ADAMTS17: variants seen among roughly 807,000 people sequenced by gnomAD.
ADAMTS17 encodes A disintegrin and metalloproteinase with thrombospondin motifs 17.
In ADAMTS17, 113 loss-of-function variants were observed where a neutral mutation model predicts 141.5. That is an observed-to-expected ratio of 0.80 (90% confidence interval 0.69 to 0.93). ADAMTS17 has a LOEUF of 0.93. Among genes scored for constraint, ADAMTS17 ranks in the 40% least tolerant of loss-of-function variants. The probability of loss-of-function intolerance (pLI) is 0.00; values close to 1 mark genes in which losing one functional copy is unlikely to be tolerated. For synonymous variants in ADAMTS17, 768 were observed against 630.6 expected, an observed-to-expected ratio of 1.22 and a Z score of -3.27; for missense variants, 1,659 against 1,517.9, an observed-to-expected ratio of 1.09 and a Z score of -1.54.
At chr15:100,304,097 G>C (rs1308860844) in intron 3 of ADAMTS17, among the ~76,000 whole-genome samples, 2 of 152,302 alleles carry the variant, frequency 1.3e-5, no homozygotes, top group South Asian at 4.1e-4. Flanking sequence ...ATCAACTGCA[G>C]TGATGTCTTC....
At chr15:100,271,017 C>T (rs2043890080) in intron 4 of ADAMTS17, among the ~76,000 whole-genome samples, 1 of 151,900 alleles carries the variant, frequency 6.6e-6, no homozygotes, top group South Asian at 2.1e-4. Context: ...TGGTGACTGG[C>T]TCATTTCACG....
At chr15:100,277,477 C>A (rs2044138788) in intron 4 of ADAMTS17, among the ~76,000 whole-genome samples, 1 of 152,164 alleles carries the variant, frequency 6.6e-6, no homozygotes, top group Non-Finnish European at 1.5e-5. Flanking sequence ...CTTATTACTA[C>A]CTTAGCTGTT....
At position 100,207,469 on chromosome 15, in the gene ADAMTS17, C is replaced by A. The variant is rs1049585310; in HGVS notation, c.1076-8046G>T. On this transcript the variant is annotated intron_variant, in intron 7 of 21. Transcript: ENST00000268070. Reference sequence around the variant, plus strand: ...CCCTTGCTCAAACATGGCTAACCCACGAGCATGGCGGCCACCGGAACTCAC... The same window carrying A: ...CCCTTGCTCAAACATGGCTAACCCAAGAGCATGGCGGCCACCGGAACTCAC... Among the ~76,000 whole-genome samples the A allele has an allele frequency of 2.0e-5, 3 of 152,088 alleles. No homozygotes were observed. In the East Asian group the frequency reaches 5.8e-4, roughly 29 times the overall value.
At chr15:100,053,335 G>A (rs1258675894) in intron 16 of ADAMTS17, among the ~76,000 whole-genome samples, 2 of 152,100 alleles carry the variant, frequency 1.3e-5, no homozygotes, top group African/African-American at 2.4e-5. Context: ...CCCTGGCCTG[G>A]CCCAATGGCT....
At chr15:100,112,130 G>C (rs1020147085) in intron 13 of ADAMTS17, among the ~76,000 whole-genome samples, 1 of 152,224 alleles carries the variant, frequency 6.6e-6, no homozygotes, top group Non-Finnish European at 1.5e-5. Context: ...ACTTCAAAGG[G>C]ATGAAGGCTG....
At chr15:100,330,839 T>A in intron 3 of ADAMTS17, 50 bp downstream of exon 3, 1 of 1,604,934 alleles carries the variant, frequency 6.2e-7, no homozygotes, top group South Asian at 1.1e-5. Context: ...ACACAAAGGA[T>A]GTGGGCTGTG....
intron 18 of ADAMTS17, among the ~76,000 whole-genome samples, chr15:100,030,901 C>T (rs188451351): frequency 1.0e-3 from 154 of 152,210 alleles, no homozygotes; most frequent in Admixed American, 1.4e-3. Flanking sequence ...GAGTGTCTTA[C>T]GAAATAATGG....
chr15:100,318,428 T>A (rs562045412), intron 3 of ADAMTS17, among the ~76,000 whole-genome samples: 1 of 152,046 alleles, frequency 6.6e-6, no homozygotes, highest in East Asian at 1.9e-4. Context: ...TCATGAATGG[T>A]ATTAGTGCCC....
intron 3 of ADAMTS17, among the ~76,000 whole-genome samples, chr15:100,291,122 T>C (rs543545969): frequency 2.2e-4 from 33 of 152,188 alleles, no homozygotes; most frequent in Non-Finnish European, 4.1e-4. Context: ...AGATCTAATA[T>C]ACAGAATCTA....
intron 3 of ADAMTS17, among the ~76,000 whole-genome samples, chr15:100,324,093 T>A (rs2045823567): frequency 6.7e-6 from 1 of 149,518 alleles, no homozygotes; most frequent in Non-Finnish European, 1.5e-5. Flanking sequence ...TCACCTGAGG[T>A]CAGGAGTTCA....
chr15:100,254,213 C>A, intron 6 of ADAMTS17, 34 bp from the exon 7 acceptor site: 1 of 1,588,806 alleles, frequency 6.3e-7, no homozygotes, highest in East Asian at 2.2e-5. Context: ...CAGGTATATG[C>A]AGTATCCCCA....
chr15:100,018,415 G>A (rs529194127), intron 18 of ADAMTS17, among the ~76,000 whole-genome samples: 156 of 152,326 alleles, frequency 1.0e-3, no homozygotes, highest in South Asian at 2.3e-3. Context: ...GTAATTCCTC[G>A]TGTTGGAGGA....
At chr15:100,069,752 A>G (rs1359428847) in intron 15 of ADAMTS17, among the ~76,000 whole-genome samples, 1 of 150,810 alleles carries the variant, frequency 6.6e-6, no homozygotes, top group Non-Finnish European at 1.5e-5. Flanking sequence ...AGCACTAAAC[A>G]TGGAAAGGAA....
At chr15:100,025,096 G>C (rs536788749) in intron 18 of ADAMTS17, among the ~76,000 whole-genome samples, 19 of 152,216 alleles carry the variant, frequency 1.2e-4, no homozygotes, top group African/African-American at 4.3e-4. Context: ...ATTTCTCTCT[G>C]TATCTCCTGT....
At chr15:100,304,681 C>A (rs2045161351) in intron 3 of ADAMTS17, among the ~76,000 whole-genome samples, 1 of 152,218 alleles carries the variant, frequency 6.6e-6, no homozygotes, top group Non-Finnish European at 1.5e-5. Flanking sequence ...ATCGCTAATT[C>A]AAATGTACAA....
intron 2 of ADAMTS17, among the ~76,000 whole-genome samples, chr15:100,334,720 G>A (rs532446407): frequency 5.3e-5 from 8 of 152,118 alleles, no homozygotes; most frequent in African/African-American, 1.7e-4. Flanking sequence ...CCCCGGTCCC[G>A]CCGCCTCCTC....
chr15:100,124,131 T>G (rs992026517), intron 12 of ADAMTS17, among the ~76,000 whole-genome samples: 4 of 151,956 alleles, frequency 2.6e-5, no homozygotes, highest in African/African-American at 7.3e-5. Context: ...GCCCGGCTAA[T>G]TTTTTTGTAT....
intron 15 of ADAMTS17, among the ~76,000 whole-genome samples, chr15:100,055,638 G>A (rs568777282): frequency 3.9e-5 from 6 of 152,258 alleles, no homozygotes; most frequent in African/African-American, 1.2e-4. Context: ...CCTGCCACTT[G>A]GAGCCGAATC....
chr15:100,203,225 T>G (rs900792942), intron 7 of ADAMTS17, among the ~76,000 whole-genome samples: 5 of 152,132 alleles, frequency 3.3e-5, no homozygotes, highest in African/African-American at 1.2e-4. Context: ...AACTCTACTA[T>G]ACCCCTGACA....
Sources: gnomAD v4.1 joint callset for allele counts (sites outside exome capture counted in the v4.1 genomes callset) on GRCh38, gnomAD v4.1.1 for gene constraint, MANE v1.5 for transcripts, NCBI Gene and HGNC (gene_info 2026-07-23, HGNC 2026-07-21) for gene names.